Variants in GRAMD1C observed in about 807,000 individuals in gnomAD.
GRAMD1C encodes GRAM domain containing 1C.
A neutral mutation model predicts 97.8 loss-of-function variants in GRAMD1C; 89 were observed. That is an observed-to-expected ratio of 0.91 (90% CI 0.77 to 1.09). The LOEUF is 1.09. Among genes scored for constraint, GRAMD1C ranks in the 50% least tolerant of loss-of-function variants. The pLI is 0.00. For synonymous variants in GRAMD1C, 256 were observed against 267.0 expected (o/e 0.96, Z 0.40); for missense variants, 740 against 766.4 (o/e 0.97, Z 0.41).
At chr3:113,830,869 C>T (rs527597342) in intron 1 of GRAMD1C, among the ~76,000 whole-genome samples, 460 of 152,278 alleles carry the variant, frequency 3.0e-3, no homozygotes, top group Non-Finnish European at 5.6e-3. Flanking sequence ...GAGGCCAAGG[C>T]GGGTGGGTCA....
chr3:113,876,667 G>A (rs753445554), intron 5 of GRAMD1C, among the ~76,000 whole-genome samples: 22 of 152,010 alleles, frequency 1.4e-4, no homozygotes, highest in Non-Finnish European at 1.9e-4. Flanking sequence ...TTTAAAAAAT[G>A]GCAATTATCT....
In GRAMD1C at chr3:113,911,234, A is replaced by T. The variant is rs201985150; in HGVS notation, c.952+2114A>T. Among the ~76,000 whole-genome samples the T allele has an allele frequency of 2.2e-3, 310 of 142,846 alleles. 9 individuals are homozygous for T. In the East Asian group the frequency reaches 0.055, roughly 26 times the overall value. The allele number at this position is 142,846 out of a possible 152,430, so 93.7% of individuals were successfully genotyped here. ...AGCATACATGAGCAAACTCTCTGGT[A>T]TTTTTTTTTTTTTCTTTTTGAGACA... is the stretch of plus-strand genomic sequence containing the variant. On this transcript the variant is annotated intron_variant, in intron 9 of 17. Transcript: ENST00000358160.
chr3:113,845,901 C>T lies in GRAMD1C; in HGVS notation c.174+1252C>T, dbSNP rs545829717. Among the ~76,000 whole-genome samples the T allele has an allele frequency of 5.4e-4, 67 of 122,994 alleles. 1 individual carries two copies. The highest frequency in any genetic ancestry group is 6.5e-4 in the East Asian group (3 of 4,638). The allele number at this position is 122,994 out of a possible 152,430, so 80.7% of individuals were successfully genotyped here. A position where few individuals can be genotyped will look rare whatever the true frequency, so the allele number is the denominator to read the frequency against. ...AATCTTAACAGTTATTGAATCTTAA[C>T]GTGACTAAAACGTTTGATTTCCTAT... On this transcript the variant is annotated intron_variant, in intron 2 of 17. Coordinates refer to ENST00000358160, the MANE Select transcript of GRAMD1C (RefSeq NM_017577.5).
intron 8 of GRAMD1C, among the ~76,000 whole-genome samples, chr3:113,906,114 G>A (rs1162912544): frequency 6.6e-6 from 1 of 152,146 alleles, no homozygotes; most frequent in Non-Finnish European, 1.5e-5. Flanking sequence ...AAACAAATCT[G>A]TGCTGCCAGG....
intron 2 of GRAMD1C, among the ~76,000 whole-genome samples, chr3:113,845,697 C>T (rs1933576584): frequency 1.3e-5 from 2 of 151,712 alleles, no homozygotes; most frequent in Admixed American, 1.3e-4. Flanking sequence ...AGAGAGAGAC[C>T]CTGTCTCAAA....
chr3:113,916,525 C>G (rs946439105), intron 10 of GRAMD1C, among the ~76,000 whole-genome samples: 1 of 152,136 alleles, frequency 6.6e-6, no homozygotes, highest in African/African-American at 2.4e-5. Flanking sequence ...TATATAATTT[C>G]TTTATATAAA....
intron 6 of GRAMD1C, among the ~76,000 whole-genome samples, chr3:113,889,126 G>C (rs895586606): frequency 6.6e-6 from 1 of 152,144 alleles, no homozygotes; most frequent in African/African-American, 2.4e-5. Context: ...CTTGAACCGG[G>C]TAGGCAGAGG....
rs144960929 is a variant in GRAMD1C at position 113,845,594 on chromosome 3, A to G, written c.174+945A>G. On this transcript the variant is annotated intron_variant, in intron 2 of 17. Coordinates refer to ENST00000358160, the MANE Select transcript of GRAMD1C (RefSeq NM_017577.5). ...CATGCCTACAGGCTACATCCCAGCT[A>G]CTCAGGAGGCTGAGGTGGGAGGATC... Among the ~76,000 whole-genome samples, 1,360 of 151,910 alleles carry G rather than the reference A, an allele frequency of 9.0e-3. 26 individuals are homozygous for G. The highest frequency in any genetic ancestry group is 0.031 in the African/African-American group (1,302 of 41,386).
intron 6 of GRAMD1C, among the ~76,000 whole-genome samples, chr3:113,887,707 C>CAA (rs1223537660): frequency 2.2e-5 from 2 of 92,368 alleles, no homozygotes; most frequent in East Asian, 3.7e-4. Context: ...GACTCCGTCT[C>CAA]CAAAAAAAAA....
chr3:113,874,729 C>T (rs748704358), intron 3 of GRAMD1C, among the ~76,000 whole-genome samples: 1 of 152,164 alleles, frequency 6.6e-6, no homozygotes, highest in Admixed American at 6.5e-5. Flanking sequence ...TTTTGTCTAA[C>T]ATCTAATCAA....
intron 13 of GRAMD1C, among the ~76,000 whole-genome samples, chr3:113,934,978 A>C: frequency 6.6e-6 from 1 of 152,096 alleles, no homozygotes; most frequent in Non-Finnish European, 1.5e-5. Context: ...TCCTGAGCTC[A>C]TGATCCACCC....
intron 6 of GRAMD1C, among the ~76,000 whole-genome samples, chr3:113,895,934 ATAG>A (rs1014129550): frequency 6.6e-6 from 1 of 152,168 alleles, no homozygotes; most frequent in African/African-American, 2.4e-5. Context: ...TTGATGTCAA[ATAG>A]TAGTGTTTTA....
chr3:113,886,931 G>A (rs747118139), intron 6 of GRAMD1C, among the ~76,000 whole-genome samples: 13 of 151,030 alleles, frequency 8.6e-5, no homozygotes, highest in Non-Finnish European at 1.2e-4. Flanking sequence ...ATAGGCATGC[G>A]CCACCACGCC....
intron 5 of GRAMD1C, among the ~76,000 whole-genome samples, chr3:113,881,211 G>A (rs1357113706): frequency 6.6e-6 from 1 of 152,160 alleles, no homozygotes; most frequent in Non-Finnish European, 1.5e-5. Context: ...CTGGAATGCA[G>A]TGGCGCGATC....
chr3:113,897,858 T>A, intron 6 of GRAMD1C: 1 of 438,420 alleles, frequency 2.3e-6, no homozygotes, highest in Non-Finnish European at 3.0e-6. Context: ...TTTTGAAGAC[T>A]ACTAAGGTAG....
At chr3:113,851,089 A>G (rs982407367) in intron 2 of GRAMD1C, among the ~76,000 whole-genome samples, 1 of 152,234 alleles carries the variant, frequency 6.6e-6, no homozygotes, top group African/African-American at 2.4e-5. Flanking sequence ...CGCGTGAGCC[A>G]CTGCACCCGG....
intron 17 of GRAMD1C, among the ~76,000 whole-genome samples, chr3:113,944,894 A>T (rs770921840): frequency 4.6e-5 from 7 of 152,242 alleles, no homozygotes; most frequent in Non-Finnish European, 1.0e-4. Flanking sequence ...ATTGTTAATG[A>T]CAAAGATTAC....
At chr3:113,858,394 A>T (rs77679546) in intron 2 of GRAMD1C, among the ~76,000 whole-genome samples, 33,208 of 109,308 alleles carry the variant, frequency 0.3, 6,159 homozygotes, top group Admixed American at 0.38. Flanking sequence ...TCCCAGCTAC[A>T]TTTTTTTTTT....
intron 17 of GRAMD1C, among the ~76,000 whole-genome samples, chr3:113,942,281 C>T (rs1461240364): frequency 2.0e-5 from 3 of 151,540 alleles, no homozygotes; most frequent in Non-Finnish European, 1.5e-5. Flanking sequence ...TGATAGTTAA[C>T]ATTTTTTAAA....
Sources: allele counts gnomAD v4.1 joint callset (sites outside exome capture counted in the v4.1 genomes callset), GRCh38; gene constraint gnomAD v4.1.1; transcripts MANE v1.5; gene names NCBI Gene and HGNC (gene_info 2026-07-23, HGNC 2026-07-21).